Variants in SAMD8 observed in about 807,000 individuals in gnomAD.
The protein encoded by SAMD8 is sterile alpha motif domain containing 8, also known as sphingomyelin synthase-related protein 1.
A neutral mutation model predicts 42.0 loss-of-function variants in SAMD8; 20 were observed. That is an observed-to-expected ratio of 0.48 (90% CI 0.34 to 0.69). The LOEUF (loss-of-function observed/expected upper bound fraction) is 0.69. Among genes scored for constraint, SAMD8 ranks in the 30% least tolerant of loss-of-function variants. The pLI is 0.01. For missense variants in SAMD8, 328 were observed against 511.6 expected, an observed-to-expected ratio of 0.64 and a Z score of 3.46; for synonymous variants, 162 against 173.0, an observed-to-expected ratio of 0.94 and a Z score of 0.50.
intron 1 of SAMD8, among the ~76,000 whole-genome samples, chr10:75,104,986 C>G (rs1446937794): frequency 6.6e-6 from 1 of 152,066 alleles, no homozygotes; most frequent in African/African-American, 2.4e-5. Flanking sequence ...AGGCCAGTCA[C>G]CCACCCCCAA....
At chr10:75,144,142 T>C (rs866374135) in intron 1 of SAMD8, among the ~76,000 whole-genome samples, 2 of 151,992 alleles carry the variant, frequency 1.3e-5, no homozygotes, top group East Asian at 3.9e-4. Flanking sequence ...TCTTTTTTTC[T>C]ATTTTTAGTG....
In SAMD8 at chr10:75,182,034, A is replaced by T. The variant is rs1841088132; in HGVS notation, c.*5342A>T. ...TAAGTAAATATCTTGATTCTAAATT[A>T]AATCCAGATTTAACTAATATATATT... On this transcript the variant is annotated 3_prime_UTR_variant, in exon 6 of 6. Transcript: ENST00000542569. 1 of 152,224 alleles carries T rather than the reference A, an allele frequency of 6.6e-6. No individual in the cohort carries two copies. The highest frequency in any genetic ancestry group is 1.5e-5 in the Non-Finnish European group (1 of 68,052). The allele number at this position is 152,224 out of a possible 1,614,324, so 9.4% of individuals were successfully genotyped here. A position where few individuals can be genotyped will look rare whatever the true frequency, so the allele number is the denominator to read the frequency against.
chr10:75,159,791 C>T (rs1160471125), intron 2 of SAMD8, among the ~76,000 whole-genome samples: 1 of 152,212 alleles, frequency 6.6e-6, no homozygotes, highest in African/African-American at 2.4e-5. Flanking sequence ...CTTGATGTCT[C>T]ACCCTTGCTT....
chr10:75,127,788 C>T (rs1849178541), intron 1 of SAMD8, among the ~76,000 whole-genome samples: 2 of 152,182 alleles, frequency 1.3e-5, no homozygotes, highest in South Asian at 4.1e-4. Flanking sequence ...GTTAAATAAA[C>T]AAGTCCTCTT....
intron 1 of SAMD8, chr10:75,101,834 C>T (rs1050814184): frequency 1.5e-5 from 20 of 1,351,224 alleles, no homozygotes; most frequent in Non-Finnish European, 1.9e-5. Context: ...GGGACCACAT[C>T]CTACCCCCCC....
chr10:75,111,364 G>C (rs1222227002), upstream of SAMD8: 2 of 522,896 alleles, frequency 3.8e-6, no homozygotes, highest in Non-Finnish European at 5.8e-6. Context: ...ATGCGCCCTC[G>C]GGCTCCTCCG....
At chr10:75,108,273 C>G, upstream of SAMD8, 1 of 1,526,922 alleles carries the variant, frequency 6.5e-7, no homozygotes, top group Non-Finnish European at 8.7e-7. Context: ...GAGGCTGTGC[C>G]TGGCCCCCTG....
At chr10:75,118,556 ATTGT>A (rs1378544077) in intron 1 of SAMD8, among the ~76,000 whole-genome samples, 4 of 152,170 alleles carry the variant, frequency 2.6e-5, no homozygotes, top group Non-Finnish European at 5.9e-5. Context: ...AGGCAGGAGA[ATTGT>A]TTGAACCTGG....
intron 1 of SAMD8, chr10:75,103,755 T>C: frequency 3.1e-6 from 2 of 638,332 alleles, no homozygotes; most frequent in Non-Finnish European, 4.6e-6. Context: ...GGGGAGCTGC[T>C]GGAGACAGCT....
At chr10:75,141,158 CAT>C (rs1489673791) in intron 1 of SAMD8, among the ~76,000 whole-genome samples, 1 of 152,056 alleles carries the variant, frequency 6.6e-6, no homozygotes. Context: ...GTCTGGGCAA[CAT>C]AGCAAAACCC....
intron 1 of SAMD8, among the ~76,000 whole-genome samples, chr10:75,139,169 A>G (rs1186050088): frequency 6.6e-6 from 1 of 151,934 alleles, no homozygotes; most frequent in Non-Finnish European, 1.5e-5. Context: ...GGGTTTCACA[A>G]CATTGGCCAG....
chr10:75,111,377 G>T, upstream of SAMD8: 1 of 601,936 alleles, frequency 1.7e-6, no homozygotes, highest in Non-Finnish European at 2.4e-6. Context: ...CTCCTCCGCG[G>T]CAGCATCTCG....
intron 1 of SAMD8, among the ~76,000 whole-genome samples, chr10:75,116,192 G>C (rs1848878274): frequency 1.3e-5 from 2 of 151,896 alleles, no homozygotes; most frequent in South Asian, 4.2e-4. Context: ...TTGAACTCCT[G>C]GGCTCAAGCA....
chr10:75,133,361 C>T lies in SAMD8; in HGVS notation c.-15-17153C>T, dbSNP rs534831340. 3.7e-3 allele frequency among the ~76,000 whole-genome samples: 566 copies of T among 152,266 alleles called. 6 individuals are homozygous for T. The highest frequency in any genetic ancestry group is 0.032 in the South Asian group (152 of 4,822). On this transcript the variant is annotated intron_variant, in intron 1 of 5. Transcript: ENST00000542569. ...GTGGTTGCAGTGGGCCAAGACTGCA[C>T]CACTGCACTCCAGCCTGGATTACAC...
chr10:75,107,518 C>T (rs1441782340), upstream of SAMD8, among the ~76,000 whole-genome samples: 1 of 152,130 alleles, frequency 6.6e-6, no homozygotes, highest in African/African-American at 2.4e-5. Flanking sequence ...TTCCAGGCCT[C>T]AGTTTCCCCA....
chr10:75,145,929 C>T (rs1046091713), intron 1 of SAMD8, among the ~76,000 whole-genome samples: 1 of 152,118 alleles, frequency 6.6e-6, no homozygotes, highest in Admixed American at 6.6e-5. Flanking sequence ...CATGTGAGTG[C>T]TGGGAATTCA....
intron 1 of SAMD8, among the ~76,000 whole-genome samples, chr10:75,136,126 T>G (rs1839881162): frequency 6.6e-6 from 1 of 152,100 alleles, no homozygotes. Context: ...TCCCTTTTCT[T>G]TTTCTTTAAT....
chr10:75,111,821 C>CCG, intron 1 of SAMD8, 99 bp downstream of exon 1: 1 of 1,221,846 alleles, frequency 8.2e-7, no homozygotes. Flanking sequence ...TGCCGAGGGA[C>CCG]CGCGACCTGG....
At chr10:75,168,459 C>A in intron 3 of SAMD8, 82 bp from the exon 4 acceptor site, 6 of 1,572,668 alleles carry the variant, frequency 3.8e-6, no homozygotes, top group Middle Eastern at 1.7e-4. Context: ...GTTTGCTCTT[C>A]CTTGAAGTAA....
Sources: allele counts gnomAD v4.1 joint callset (sites outside exome capture counted in the v4.1 genomes callset), GRCh38; gene constraint gnomAD v4.1.1; transcripts MANE v1.5; gene names NCBI Gene and HGNC (gene_info 2026-07-23, HGNC 2026-07-21).